The following ACACA variants were observed in gnomAD, a reference collection of about 807,000 sequenced individuals.
The protein encoded by ACACA is acetyl-CoA carboxylase 1.
A neutral mutation model predicts 296.1 loss-of-function variants in ACACA; 103 were observed. The ratio of observed to expected loss-of-function variants is 0.35; its 90% confidence interval spans 0.30 to 0.41. ACACA has a LOEUF of 0.41. Among genes scored for constraint, ACACA ranks in the 10% least tolerant of loss-of-function variants. The pLI is 1.00. For synonymous variants in ACACA, 953 were observed against 1,038.6 expected, an observed-to-expected ratio of 0.92 and a Z score of 1.58; for missense variants, 1,554 against 2,989.7, an observed-to-expected ratio of 0.52 and a Z score of 11.20.
At chr17:37,270,718 A>C (rs1485715357) in intron 10 of ACACA, 33 bp downstream of exon 10, 4 of 1,436,970 alleles carry the variant, frequency 2.8e-6, no homozygotes, top group Non-Finnish European at 3.9e-6. Flanking sequence ...TATACATGTT[A>C]GTTCAAACAA....
At position 37,224,987 on chromosome 17, in the gene ACACA, T is replaced by TAC; in HGVS notation, c.3474+4_3474+5insGT. 7.4e-7 allele frequency: 1 copy of TAC among 1,351,722 alleles called. No individual in the cohort carries two copies. The highest frequency in any genetic ancestry group is 1.1e-6 in the Non-Finnish European group (1 of 943,864). The allele number at this position is 1,351,722 out of a possible 1,614,324, so 83.7% of individuals were successfully genotyped here. A position where few individuals can be genotyped will look rare whatever the true frequency, so the allele number is the denominator to read the frequency against. ...AGGGTTATATATATATATATATATA[T>TAC]ATACCTGCAGGTTCTCAATGCAAAA... On this transcript the variant is annotated splice_donor_region_variant and intron_variant, in intron 27 of 55. Transcript: ENST00000616317.
chr17:37,362,893 C>G (rs913491017), intron 1 of ACACA, among the ~76,000 whole-genome samples: 10 of 150,182 alleles, frequency 6.7e-5, no homozygotes, highest in African/African-American at 2.5e-4. Context: ...GAAAATGGCG[C>G]GAACCCGGGA....
Position 37,377,848 on chromosome 17 carries a change from G to C in ACACA, c.38+28414C>G, listed in dbSNP as rs1158806511. 14 of 1,571,922 alleles carry C rather than the reference G, an allele frequency of 8.9e-6. No homozygotes were observed. The South Asian group carries it at 1.5e-4, about 16-fold the overall frequency. ...TCTGATTTTCCCCAAACCTTCCCCG[G>C]TTCCCCTCCTCCCCCTCTGCTCACC... On this transcript the variant is annotated intron_variant, in intron 1 of 55. Coordinates refer to ENST00000616317, the MANE Select transcript of ACACA (RefSeq NM_198834.3).
chr17:37,376,651 A>T (rs2050014706), intron 1 of ACACA, among the ~76,000 whole-genome samples: 1 of 152,142 alleles, frequency 6.6e-6, no homozygotes, highest in African/African-American at 2.4e-5. Flanking sequence ...TAAACATTTC[A>T]TCTCTAAAAT....
In ACACA at chr17:37,207,644, C is replaced by T. The variant is rs138542261; in HGVS notation, c.3851+13G>A. ...GGCTCCCCTTGTACAGACATAGTTC[C>T]ACAATGTCTTACCTGACAAAATCTT... On this transcript the variant is annotated intron_variant, in intron 31 of 55. Coordinates refer to ENST00000616317, the MANE Select transcript of ACACA (RefSeq NM_198834.3). The T allele has an allele frequency of 3.3e-3, 5,331 of 1,613,652 alleles. 14 individuals are homozygous for T. Among genetic ancestry groups the T allele is most frequent in the Middle Eastern group, 8.1e-3 (49 of 6,052 alleles).
chr17:37,396,009 T>C (rs2051069210), intron 1 of ACACA, among the ~76,000 whole-genome samples: 1 of 152,218 alleles, frequency 6.6e-6, no homozygotes, highest in African/African-American at 2.4e-5. Context: ...TATTTGCGTG[T>C]GTATTAAAAG....
chr17:37,280,486 C>T (rs114291165), intron 5 of ACACA, among the ~76,000 whole-genome samples: 286 of 152,158 alleles, frequency 1.9e-3, no homozygotes, highest in African/African-American at 6.4e-3. Context: ...AGATTACAGG[C>T]GTAAACCACC....
intron 1 of ACACA, among the ~76,000 whole-genome samples, chr17:37,351,708 C>T (rs1224922585): frequency 6.6e-6 from 1 of 152,054 alleles, no homozygotes; most frequent in African/African-American, 2.4e-5. Flanking sequence ...AAAAGTTATC[C>T]TCTCTTCCAA....
intron 5 of ACACA, among the ~76,000 whole-genome samples, chr17:37,280,955 C>T (rs114525218): frequency 1.4e-3 from 220 of 152,144 alleles, no homozygotes; most frequent in African/African-American, 5.0e-3. Flanking sequence ...ATTTGCAATG[C>T]TGTTCTTTCT....
At chr17:37,222,683 G>A (rs2079354611) in intron 28 of ACACA, among the ~76,000 whole-genome samples, 1 of 152,198 alleles carries the variant, frequency 6.6e-6, no homozygotes, top group Non-Finnish European at 1.5e-5. Flanking sequence ...CATTTACTGA[G>A]TAGGATAATT....
intron 3 of ACACA, among the ~76,000 whole-genome samples, chr17:37,314,593 C>T (rs1344355649): frequency 1.3e-5 from 2 of 149,448 alleles, no homozygotes; most frequent in Non-Finnish European, 3.0e-5. Context: ...CGACCAGAGG[C>T]TGTAATCTAA....
At chr17:37,143,409 T>C (rs55817259) in intron 45 of ACACA, among the ~76,000 whole-genome samples, 23 of 152,228 alleles carry the variant, frequency 1.5e-4, no homozygotes, top group African/African-American at 4.1e-4. Context: ...ACATGTGCTG[T>C]GCACCAATAA....
intron 3 of ACACA, among the ~76,000 whole-genome samples, chr17:37,287,781 A>C (rs573185858): frequency 6.6e-6 from 1 of 151,544 alleles, no homozygotes; most frequent in East Asian, 1.9e-4. Context: ...AAGAAGGGAC[A>C]GTTCAGAGTC....
Position 37,259,431 on chromosome 17 carries a change from G to A in ACACA, c.1429C>T (p.Pro477Ser), listed in dbSNP as rs1365579645. ...DGSFYFLELN[P>S]RLQVEHPCTE... ...CAAGGGTGCTCTACCTGCAGCCGAG[G>A]ATTCAATTCCAGAAAGTAGAAGCTG... Residue 477 changes from proline (P) to serine (S), a missense_variant, in exon 12 of 56, where the codon CCT becomes TCT. Pro to Ser is a moderately conservative substitution (Grantham distance 74). Coordinates refer to ENST00000616317, the MANE Select transcript of ACACA (RefSeq NM_198834.3). 4 of 1,614,188 alleles carry A rather than the reference G, an allele frequency of 2.5e-6. No individual in the cohort carries two copies. Among genetic ancestry groups the A allele is most frequent in the Non-Finnish European group, 3.4e-6 (4 of 1,180,040 alleles).
At chr17:37,101,404 T>C (rs2073355097) in intron 52 of ACACA, among the ~76,000 whole-genome samples, 1 of 152,186 alleles carries the variant, frequency 6.6e-6, no homozygotes, top group Non-Finnish European at 1.5e-5. Flanking sequence ...CTAAGTGCTT[T>C]ATATCTATTA....
At chr17:37,289,566 G>T in intron 3 of ACACA, 2 of 1,212,514 alleles carry the variant, frequency 1.6e-6, no homozygotes, top group Non-Finnish European at 2.2e-6. Flanking sequence ...TGCAAACTAG[G>T]ACTGATCTTC....
chr17:37,316,301 A>G (rs1477760114), intron 3 of ACACA, among the ~76,000 whole-genome samples: 1 of 143,338 alleles, frequency 7.0e-6, no homozygotes, highest in Non-Finnish European at 1.5e-5. Context: ...CTACCCTTAC[A>G]TACACACACA....
intron 52 of ACACA, among the ~76,000 whole-genome samples, chr17:37,109,980 G>A (rs1422655001): frequency 6.6e-6 from 1 of 152,008 alleles, no homozygotes; most frequent in Non-Finnish European, 1.5e-5. Flanking sequence ...GCTTGTTTGT[G>A]GCAAATGGAG....
At chr17:37,291,728 C>G (rs2083077723) in intron 3 of ACACA, among the ~76,000 whole-genome samples, 1 of 152,120 alleles carries the variant, frequency 6.6e-6, no homozygotes, top group African/African-American at 2.4e-5. Flanking sequence ...GTCATACTAA[C>G]CATTACAAAT....
Sources: gnomAD v4.1 joint callset for allele counts (sites outside exome capture counted in the v4.1 genomes callset) on GRCh38, gnomAD v4.1.1 for gene constraint, MANE v1.5 for transcripts, NCBI Gene and HGNC (gene_info 2026-07-23, HGNC 2026-07-21) for gene names.